The following TFDP2 variants were observed in gnomAD, a reference collection of about 807,000 sequenced individuals.
TFDP2 encodes transcription factor Dp-2.
A neutral mutation model predicts 59.3 loss-of-function variants in TFDP2; 17 were observed. That is an observed-to-expected ratio of 0.29 (90% CI 0.20 to 0.43). TFDP2 has a LOEUF of 0.43. TFDP2 is among the 20% of genes least tolerant of loss of function. TFDP2 has a pLI of 1.00. For synonymous variants in TFDP2, 180 were observed against 194.7 expected (o/e 0.92, Z 0.63); for missense variants, 391 against 528.8 (o/e 0.74, Z 2.56).
At chr3:141,954,027 G>A (rs1220410950) in intron 11 of TFDP2, among the ~76,000 whole-genome samples, 5 of 151,950 alleles carry the variant, frequency 3.3e-5, no homozygotes, top group Non-Finnish European at 5.9e-5. Context: ...GGGCGTTGTG[G>A]TGCATGCCTG....
chr3:142,062,662 C>T (rs888429196), intron 3 of TFDP2, among the ~76,000 whole-genome samples: 8 of 152,002 alleles, frequency 5.3e-5, no homozygotes, highest in Non-Finnish European at 8.8e-5. Flanking sequence ...TGTAGAAATA[C>T]GTACATGTGT....
intron 9 of TFDP2, among the ~76,000 whole-genome samples, chr3:141,966,839 T>C (rs1412094934): frequency 1.3e-5 from 2 of 149,976 alleles, no homozygotes; most frequent in South Asian, 2.1e-4. Context: ...ACCTGTGTCA[T>C]GTGACATGAG....
chr3:142,147,692 GCA>G (rs150580310), intron 1 of TFDP2, among the ~76,000 whole-genome samples: 12,675 of 152,222 alleles, frequency 0.083, 652 homozygotes, highest in Middle Eastern at 0.14. Context: ...AACTGCAACT[GCA>G]CAGCCAGAAC....
intron 3 of TFDP2, among the ~76,000 whole-genome samples, chr3:142,013,292 T>TC (rs1452737956): frequency 6.6e-6 from 1 of 152,194 alleles, no homozygotes; most frequent in Non-Finnish European, 1.5e-5. Flanking sequence ...TTAAAAGGAT[T>TC]CCACTAGAAT....
At chr3:141,986,753 C>T (rs1307062905) in intron 6 of TFDP2, among the ~76,000 whole-genome samples, 1 of 152,136 alleles carries the variant, frequency 6.6e-6, no homozygotes, top group Non-Finnish European at 1.5e-5. Flanking sequence ...ACCAGTTTTT[C>T]CTGCCACCAG....
At chr3:142,118,926 C>A (rs934624916) in intron 1 of TFDP2, among the ~76,000 whole-genome samples, 1 of 151,982 alleles carries the variant, frequency 6.6e-6, no homozygotes, top group African/African-American at 2.4e-5. Context: ...TTTGGGAGGT[C>A]GAGACAGGTG....
chr3:141,998,699 A>C (rs924463619), intron 4 of TFDP2, among the ~76,000 whole-genome samples: 1 of 152,168 alleles, frequency 6.6e-6, no homozygotes, highest in African/African-American at 2.4e-5. Context: ...AGGAAAATGG[A>C]GTTTTAAATT....
At chr3:142,061,889 TACACACACACACACA>T (rs1199221904) in intron 3 of TFDP2, among the ~76,000 whole-genome samples, 3,366 of 79,916 alleles carry the variant, frequency 0.042, 215 homozygotes, top group African/African-American at 0.13. Context: ...TCTCTCTCTC[TACACACACACACACA>T]CACACACACA....
At chr3:142,098,826 A>C (rs2061240815) in intron 2 of TFDP2, among the ~76,000 whole-genome samples, 1 of 152,152 alleles carries the variant, frequency 6.6e-6, no homozygotes, top group South Asian at 2.1e-4. Context: ...AGAAGGCCTA[A>C]AGATGGAAGA....
chr3:142,016,302 AT>A (rs34147232), intron 3 of TFDP2, among the ~76,000 whole-genome samples: 103,160 of 133,292 alleles, frequency 0.77, 39,055 homozygotes, highest in African/African-American at 0.83. Flanking sequence ...GCCCAGCAAC[AT>A]TTTTTTTTTT....
At chr3:141,973,123 A>ATATATATATTTTTTT in intron 8 of TFDP2, among the ~76,000 whole-genome samples, 1 of 58,030 alleles carries the variant, frequency 1.7e-5, no homozygotes, top group Non-Finnish European at 3.7e-5. Context: ...ATATATATAT[A>ATATATATATTTTTTT]TTTTTTTTTT....
At chr3:142,045,485 T>C (rs1947287677) in intron 3 of TFDP2, among the ~76,000 whole-genome samples, 1 of 152,036 alleles carries the variant, frequency 6.6e-6, no homozygotes. Context: ...TCTTAATAAA[T>C]CCCACGATGC....
chr3:142,139,527 G>C (rs1338254039), intron 1 of TFDP2, among the ~76,000 whole-genome samples: 2 of 152,066 alleles, frequency 1.3e-5, no homozygotes, highest in Non-Finnish European at 2.9e-5. Flanking sequence ...TCTACGTTTA[G>C]CACTTCCTTC....
chr3:141,981,596 A>T (rs984517500), intron 6 of TFDP2, among the ~76,000 whole-genome samples: 1 of 152,228 alleles, frequency 6.6e-6, no homozygotes, highest in Non-Finnish European at 1.5e-5. Flanking sequence ...TACTTATCTT[A>T]CCTCACAGAC....
chr3:142,017,484 G>A (rs1945221817), intron 3 of TFDP2, among the ~76,000 whole-genome samples: 2 of 151,594 alleles, frequency 1.3e-5, no homozygotes, highest in Non-Finnish European at 2.9e-5. Flanking sequence ...CAGCTGTGGT[G>A]CCAGTTTGTA....
Position 141,948,659 on chromosome 3 carries a change from A to C in TFDP2, c.*3854T>G, listed in dbSNP as rs922784918. ...CTAATCCACACTCCCTCCAACATACACACTGTGTGCTGGAGGGAGCCTAAG... is the reference window on the plus strand; with the variant it reads ...CTAATCCACACTCCCTCCAACATACCCACTGTGTGCTGGAGGGAGCCTAAG... On this transcript the variant is annotated 3_prime_UTR_variant, in exon 13 of 13. Coordinates refer to ENST00000489671, the MANE Select transcript of TFDP2 (RefSeq NM_001178139.2). The C allele has an allele frequency of 1.3e-5, 2 of 151,808 alleles. No homozygotes were observed. The highest frequency in any genetic ancestry group is 2.9e-5 in the Non-Finnish European group (2 of 67,992). 9.4% of individuals were successfully genotyped at this position (151,808 alleles called of 1,614,324 possible).
intron 3 of TFDP2, among the ~76,000 whole-genome samples, chr3:142,082,793 T>G (rs2060682655): frequency 6.6e-6 from 1 of 152,206 alleles, no homozygotes; most frequent in Admixed American, 6.5e-5. Context: ...CAACTGATGC[T>G]GAAAAAGCAT....
chr3:142,131,451 T>A (rs2062498585), intron 1 of TFDP2, among the ~76,000 whole-genome samples: 1 of 150,082 alleles, frequency 6.7e-6, no homozygotes, highest in South Asian at 2.1e-4. Context: ...GTAAGTTTGA[T>A]CTAAGAGACA....
chr3:142,013,695 T>G (rs747063524), intron 3 of TFDP2, among the ~76,000 whole-genome samples: 3 of 152,226 alleles, frequency 2.0e-5, no homozygotes, highest in Non-Finnish European at 4.4e-5. Context: ...CACAAGATTT[T>G]GGCTCAAATA....
Sources: gnomAD v4.1 joint callset for allele counts (sites outside exome capture counted in the v4.1 genomes callset) on GRCh38, gnomAD v4.1.1 for gene constraint, MANE v1.5 for transcripts, NCBI Gene and HGNC (gene_info 2026-07-23, HGNC 2026-07-21) for gene names.